CDKAL1: variants seen among roughly 807,000 people sequenced by gnomAD.
CDKAL1 encodes the protein threonylcarbamoyladenosine tRNA methylthiotransferase.
CDKAL1 carries 32 observed loss-of-function variants against 68.2 expected under a neutral mutation model. That is an observed-to-expected ratio of 0.47 (90% CI 0.35 to 0.63). CDKAL1 has a LOEUF of 0.63. CDKAL1 is among the 30% of genes least tolerant of loss of function. The pLI is 0.00. For missense variants in CDKAL1, 606 were observed against 696.7 expected (o/e 0.87, Z 1.47); for synonymous variants, 234 against 244.3 (o/e 0.96, Z 0.39).
chr6:20,555,040 A>G (rs1039552779), intron 4 of CDKAL1, among the ~76,000 whole-genome samples: 5 of 152,150 alleles, frequency 3.3e-5, no homozygotes, highest in African/African-American at 1.2e-4. Flanking sequence ...AACATTCTTG[A>G]TAGTTTCTTT....
rs374551019 is a variant in CDKAL1, at chr6:20,801,084, ATTATTT to A, written c.638+19834_638+19839del. On this transcript the variant is annotated intron_variant, in intron 8 of 15. Transcript: ENST00000274695. Reference sequence around the variant, plus strand: ...GGGCATATGCCATCACACCTGGCTAATTATTTTTATTTTTATTTTTGTCAAGACAGG... The same window carrying A: ...GGGCATATGCCATCACACCTGGCTAATTATTTTTATTTTTGTCAAGACAGG... Among the ~76,000 whole-genome samples, 262 of 151,802 alleles carry A rather than the reference ATTATTT, an allele frequency of 1.7e-3. 1 individual carries two copies. Among genetic ancestry groups the A allele is most frequent in the African/African-American group, 6.0e-3 (247 of 41,358 alleles).
chr6:20,969,217 T>G (rs1383353151), intron 10 of CDKAL1, among the ~76,000 whole-genome samples: 1 of 152,208 alleles, frequency 6.6e-6, no homozygotes, highest in Non-Finnish European at 1.5e-5. Flanking sequence ...AGCCTACTGT[T>G]GATAGGAAGC....
chr6:20,911,139 T>C (rs1762448767), intron 9 of CDKAL1, among the ~76,000 whole-genome samples: 1 of 152,212 alleles, frequency 6.6e-6, no homozygotes, highest in South Asian at 2.1e-4. Context: ...AGATACTTTA[T>C]ATGGAGTATC....
In CDKAL1 at chr6:20,934,900, AT is replaced by A. The variant is rs35030815; in HGVS notation, c.743-20502del. 1.5e-3 allele frequency among the ~76,000 whole-genome samples: 204 copies of A among 136,574 alleles called. 1 individual carries two copies. Among genetic ancestry groups the A allele is most frequent in the Middle Eastern group, 7.6e-3 (2 of 262 alleles). The allele number at this position is 136,574 out of a possible 152,430, so 89.6% of individuals were successfully genotyped here. A position where few individuals can be genotyped will look rare whatever the true frequency, so the allele number is the denominator to read the frequency against. On this transcript the variant is annotated intron_variant, in intron 9 of 15. Transcript: ENST00000274695. ...TTAATTACTTAATTCCGCCTTATAC[AT>A]TTTTTTTTTTTTTTTTGAGTTGAAG...
intron 4 of CDKAL1, among the ~76,000 whole-genome samples, chr6:20,603,477 C>T (rs542180759): frequency 1.3e-5 from 2 of 152,170 alleles, no homozygotes; most frequent in Non-Finnish European, 2.9e-5. Context: ...CCATTGCTTC[C>T]ACTCCTTCAC....
chr6:21,139,972 A>G (rs1775816089), intron 13 of CDKAL1, among the ~76,000 whole-genome samples: 1 of 152,250 alleles, frequency 6.6e-6, no homozygotes, highest in Admixed American at 6.5e-5. Flanking sequence ...GAAAGACTGC[A>G]AAAACGCACA....
At chr6:20,811,482 T>G (rs1253261200) in intron 8 of CDKAL1, among the ~76,000 whole-genome samples, 1 of 152,180 alleles carries the variant, frequency 6.6e-6, no homozygotes, top group East Asian at 1.9e-4. Context: ...TGCAGTTTAT[T>G]TAAGGAAACC....
chr6:20,605,692 C>T (rs576052152), intron 4 of CDKAL1, among the ~76,000 whole-genome samples: 1 of 152,108 alleles, frequency 6.6e-6, no homozygotes, highest in Non-Finnish European at 1.5e-5. Flanking sequence ...GCTAATTATT[C>T]CCTGCTACTG....
rs1779988353 is a variant in CDKAL1, at chr6:21,231,886, T to G, written c.*847T>G. 6.6e-6 allele frequency: 1 copy of G among 152,146 alleles called. No homozygotes were observed. The highest frequency in any genetic ancestry group is 2.4e-5 in the African/African-American group (1 of 41,444). The allele number at this position is 152,146 out of a possible 1,614,324, so 9.4% of individuals were successfully genotyped here. A position where few individuals can be genotyped will look rare whatever the true frequency, so the allele number is the denominator to read the frequency against. Reference sequence around the variant, plus strand: ...GCTTTTGGAATGCACGGGGAGAGTCTGCCAGCTAAAGGACTCCTGGCAACA... The same window carrying G: ...GCTTTTGGAATGCACGGGGAGAGTCGGCCAGCTAAAGGACTCCTGGCAACA... On this transcript the variant is annotated 3_prime_UTR_variant, in exon 16 of 16. Coordinates refer to ENST00000274695, the MANE Select transcript of CDKAL1 (RefSeq NM_017774.3).
At chr6:21,003,520 C>T (rs978452177) in intron 11 of CDKAL1, among the ~76,000 whole-genome samples, 10 of 148,260 alleles carry the variant, frequency 6.7e-5, no homozygotes, top group African/African-American at 2.2e-4. Context: ...AAGCTGAGAT[C>T]GTGCCACTGC....
intron 5 of CDKAL1, among the ~76,000 whole-genome samples, chr6:20,707,860 A>G (rs1167892721): frequency 6.6e-6 from 1 of 152,194 alleles, no homozygotes; most frequent in Non-Finnish European, 1.5e-5. Context: ...TTAAAAATGT[A>G]CGTTTTAGAA....
chr6:20,747,947 A>G (rs960528791), intron 6 of CDKAL1, among the ~76,000 whole-genome samples: 2 of 152,184 alleles, frequency 1.3e-5, no homozygotes, highest in African/African-American at 4.8e-5. Flanking sequence ...GTTTAAGGAG[A>G]GAGAGTTTTC....
At chr6:20,565,728 C>T (rs1764436460) in intron 4 of CDKAL1, among the ~76,000 whole-genome samples, 1 of 152,022 alleles carries the variant, frequency 6.6e-6, no homozygotes, top group Non-Finnish European at 1.5e-5. Flanking sequence ...GACAGTGGTT[C>T]TGTGAGCTAT....
At chr6:21,012,212 C>T (rs958175845) in intron 11 of CDKAL1, among the ~76,000 whole-genome samples, 20 of 152,184 alleles carry the variant, frequency 1.3e-4, no homozygotes, top group African/African-American at 4.6e-4. Flanking sequence ...AGTCATATGG[C>T]CACACTTACC....
At chr6:20,720,453 C>G (rs919965228) in intron 5 of CDKAL1, among the ~76,000 whole-genome samples, 1 of 152,136 alleles carries the variant, frequency 6.6e-6, no homozygotes, top group African/African-American at 2.4e-5. Flanking sequence ...TGTTCTTACC[C>G]TTTAAGCCAC....
At chr6:21,162,864 G>A (rs546000649) in intron 13 of CDKAL1, among the ~76,000 whole-genome samples, 1 of 152,128 alleles carries the variant, frequency 6.6e-6, no homozygotes, top group South Asian at 2.1e-4. Context: ...GGAGTTTGAG[G>A]CTGTAGTGTG....
chr6:20,673,255 G>T (rs75408415), intron 5 of CDKAL1, among the ~76,000 whole-genome samples: 14,072 of 152,152 alleles, frequency 0.092, 2,095 homozygotes, highest in African/African-American at 0.31. Context: ...TTCCAGATCT[G>T]TGGGGGATTG....
At chr6:20,722,736 T>A (rs1404832212) in intron 5 of CDKAL1, among the ~76,000 whole-genome samples, 4 of 152,136 alleles carry the variant, frequency 2.6e-5, no homozygotes, top group Non-Finnish European at 5.9e-5. Flanking sequence ...TTCTGATTAA[T>A]GCCTTTTTAC....
intron 4 of CDKAL1, among the ~76,000 whole-genome samples, chr6:20,595,153 G>A (rs13199587): frequency 0.069 from 10,432 of 151,970 alleles, 515 homozygotes; most frequent in African/African-American, 0.13. Flanking sequence ...TGTGTCTTGG[G>A]GATGCTCTTC....
Sources: gnomAD v4.1 joint callset for allele counts (sites outside exome capture counted in the v4.1 genomes callset) on GRCh38, gnomAD v4.1.1 for gene constraint, MANE v1.5 for transcripts, NCBI Gene and HGNC (gene_info 2026-07-23, HGNC 2026-07-21) for gene names.